The following MECOM variants were observed in gnomAD, a reference collection of about 807,000 sequenced individuals.
MECOM encodes histone-lysine N-methyltransferase MECOM.
Under a neutral mutation model 116.3 loss-of-function variants are expected in MECOM, and 13 were observed. That is an observed-to-expected ratio of 0.11 (90% CI 0.07 to 0.18). The LOEUF is 0.18. Ranked by LOEUF, MECOM falls within the 10% of genes least tolerant of loss-of-function variation. MECOM has a pLI of 1.00. For synonymous variants in MECOM, 528 were observed against 535.2 expected, an observed-to-expected ratio of 0.99 and a Z score of 0.19; for missense variants, 1,299 against 1,509.0, an observed-to-expected ratio of 0.86 and a Z score of 2.31.
In MECOM at chr3:169,115,456, C is replaced by G; in HGVS notation, c.2416G>C (p.Glu806Gln). The G allele has an allele frequency of 6.2e-7, 1 of 1,614,144 alleles. No individual in the cohort carries two copies. Among genetic ancestry groups the G allele is most frequent in the South Asian group, 1.1e-5 (1 of 91,072 alleles). Reference protein sequence around the residue: ...VFGGKKGSNVESRPASDGSLQ... With the variant: ...VFGGKKGSNVQSRPASDGSLQ... ...GAACCATCTGAAGCAGGTCTTGATT[C>G]GACGTTGCTTCCTTTTTTTCCCCCA... Residue 806 changes from glutamate to glutamine, a missense_variant, in exon 8 of 17, where the codon GAA (glutamate) becomes CAA (glutamine). Glu to Gln is a conservative substitution (Grantham distance 29). Around this residue, in one of 6 missense-constraint regions of MECOM, gnomAD observed 340 missense variants for 312.6 expected, o/e 1.09. Coordinates refer to ENST00000651503, the MANE Select transcript of MECOM (RefSeq NM_004991.4).
At chr3:169,508,137 C>T (rs985939972) in intron 1 of MECOM, among the ~76,000 whole-genome samples, 1 of 152,080 alleles carries the variant, frequency 6.6e-6, no homozygotes, top group Non-Finnish European at 1.5e-5. Flanking sequence ...TTGGGGCTGG[C>T]GATAAATGGA....
Position 169,090,095 on chromosome 3 carries a change from C to A in MECOM, c.3306G>T (p.Lys1102Asn), listed in dbSNP as rs1019209007. 8 of 1,613,488 alleles carry A rather than the reference C, an allele frequency of 5.0e-6. No individual in the cohort carries two copies. The African/African-American group carries it at 9.3e-5, about 19-fold the overall frequency. Residue 1102 changes from lysine to asparagine, a missense_variant, in exon 15 of 17, where the codon AAG (lysine) becomes AAT (asparagine). Transcript: ENST00000651503. ...CATGTAAATTACTTGTCACTGGTTC[C>A]TTTCCTGTTTTTCCAGTAATATCAT... The part of the protein sequence containing the change: ...EDNDITGKTG[K>N]EPVTSNLHEG...
At chr3:169,255,789 G>T (rs1165660007) in intron 2 of MECOM, among the ~76,000 whole-genome samples, 1 of 152,080 alleles carries the variant, frequency 6.6e-6, no homozygotes, top group Non-Finnish European at 1.5e-5. Flanking sequence ...CACTTCAACT[G>T]CCAAGACGAT....
chr3:169,186,045 C>T (rs1746661953), intron 2 of MECOM, among the ~76,000 whole-genome samples: 1 of 152,092 alleles, frequency 6.6e-6, no homozygotes, highest in African/African-American at 2.4e-5. Context: ...TCTCTGACTC[C>T]CTCTGGACTT....
At chr3:169,643,987 C>A (rs1408034690) in intron 1 of MECOM, among the ~76,000 whole-genome samples, 1 of 152,116 alleles carries the variant, frequency 6.6e-6, no homozygotes, top group Non-Finnish European at 1.5e-5. Context: ...ACCAGTTTCA[C>A]CCCCTCGTAC....
At position 169,116,042 on chromosome 3, in the gene MECOM, C is replaced by A; in HGVS notation, c.1830G>T (p.Glu610Asp). The A allele has an allele frequency of 6.2e-7, 1 of 1,614,080 alleles. No individual in the cohort carries two copies. The highest frequency in any genetic ancestry group is 1.3e-5 in the African/African-American group (1 of 75,012). The change falls in exon 8 of 17, where the codon GAG becomes GAT. Residue 610 changes from glutamate (E) to aspartate (D), a missense_variant. By Grantham distance (45) the Glu-to-Asp change is conservative. Transcript: ENST00000651503. ...DLESDIESDK[E>D]KFKENGKMFK... ...ACATTTTACCATTTTCTTTAAATTT[C>A]TCTTTATCACTTTCAATGTCACTTT...
chr3:169,291,744 A>G (rs1235289742), intron 2 of MECOM, among the ~76,000 whole-genome samples: 1 of 152,232 alleles, frequency 6.6e-6, no homozygotes, highest in Admixed American at 6.5e-5. Context: ...CAGTGCATAC[A>G]TGCTGATCCA....
chr3:169,503,974 A>G (rs1017994571), intron 1 of MECOM, among the ~76,000 whole-genome samples: 1 of 152,094 alleles, frequency 6.6e-6, no homozygotes, highest in African/African-American at 2.4e-5. Context: ...GTTTAAAGCT[A>G]TATGTTGAAT....
chr3:169,563,301 T>A (rs999529440), intron 1 of MECOM, among the ~76,000 whole-genome samples: 1 of 152,178 alleles, frequency 6.6e-6, no homozygotes, highest in African/African-American at 2.4e-5. Context: ...CAACTCCACC[T>A]TCTCAGGCCA....
chr3:169,438,702 G>A (rs1003781719), intron 1 of MECOM, among the ~76,000 whole-genome samples: 8 of 152,176 alleles, frequency 5.3e-5, no homozygotes, highest in African/African-American at 1.9e-4. Context: ...GCTGGCCATA[G>A]AGATGGCCAC....
intron 1 of MECOM, among the ~76,000 whole-genome samples, chr3:169,579,131 C>T (rs1764833022): frequency 6.6e-6 from 1 of 152,164 alleles, no homozygotes; most frequent in African/African-American, 2.4e-5. Context: ...AGATAAATGA[C>T]AAGTCTTTCG....
chr3:169,489,861 CAT>C (rs932645851), intron 1 of MECOM, among the ~76,000 whole-genome samples: 3 of 152,028 alleles, frequency 2.0e-5, no homozygotes, highest in African/African-American at 7.2e-5. Flanking sequence ...AAAGCACAAA[CAT>C]ATAAAGTATA....
At chr3:169,407,584 T>A (rs550141853) in intron 1 of MECOM, among the ~76,000 whole-genome samples, 14 of 152,356 alleles carry the variant, frequency 9.2e-5, no homozygotes, top group Non-Finnish European at 2.9e-5. Context: ...ATGTTGGCAG[T>A]CTTCTCAAGA....
intron 2 of MECOM, chr3:169,145,058 C>A: frequency 1.3e-6 from 2 of 1,528,554 alleles, no homozygotes; most frequent in Non-Finnish European, 1.8e-6. Context: ...TATGAATAAG[C>A]CTTTGGCCAT....
chr3:169,288,830 C>T (rs1043454737), intron 2 of MECOM, among the ~76,000 whole-genome samples: 2 of 152,286 alleles, frequency 1.3e-5, no homozygotes, highest in Middle Eastern at 3.4e-3. Context: ...TCCTCAATCA[C>T]GATTGTGTAA....
chr3:169,259,704 G>A (rs755760413), intron 2 of MECOM, among the ~76,000 whole-genome samples: 7 of 152,182 alleles, frequency 4.6e-5, no homozygotes, highest in Non-Finnish European at 1.0e-4. Context: ...GTCCAGCCTG[G>A]GCAACAGAGT....
At position 169,094,352 on chromosome 3, in the gene MECOM, C is replaced by T. The variant is rs576267644; in HGVS notation, c.3019+724G>A. Among the ~76,000 whole-genome samples the T allele has an allele frequency of 5.8e-4, 89 of 152,250 alleles. No homozygotes were observed. The Middle Eastern group carries it at 0.017, about 29-fold the overall frequency. ...TCTCTGGAGACAAATTGTGACTGCA[C>T]AGGTTGGCTCTGCACACATATGCCA... On this transcript the variant is annotated intron_variant, in intron 13 of 16. Transcript: ENST00000651503.
chr3:169,535,822 T>A (rs1759285749), intron 1 of MECOM, among the ~76,000 whole-genome samples: 1 of 152,212 alleles, frequency 6.6e-6, no homozygotes, highest in Non-Finnish European at 1.5e-5. Flanking sequence ...AAGCAGACTG[T>A]CAACAGCTGT....
At chr3:169,327,500 T>C (rs1230416487) in intron 2 of MECOM, among the ~76,000 whole-genome samples, 1 of 151,820 alleles carries the variant, frequency 6.6e-6, no homozygotes, top group Non-Finnish European at 1.5e-5. Context: ...TAGCCGGGTA[T>C]GGTGGCACAT....
Sources: gnomAD v4.1 joint callset for allele counts (sites outside exome capture counted in the v4.1 genomes callset) on GRCh38, gnomAD v4.1.1 for gene constraint, gnomAD v4.1.1 regional missense constraint, MANE v1.5 for transcripts, NCBI Gene and HGNC (gene_info 2026-07-23, HGNC 2026-07-21) for gene names.